Variants in ACSS3 observed in about 807,000 individuals in gnomAD.
ACSS3 encodes the protein acyl-CoA synthetase short-chain family member 3, mitochondrial.
ACSS3 carries 64 observed loss-of-function variants against 84.2 expected under a neutral mutation model. The observed-to-expected ratio is 0.76, with a 90% CI of 0.62 to 0.94. The LOEUF (loss-of-function observed/expected upper bound fraction) is 0.94. Ranked by LOEUF, ACSS3 falls within the 40% of genes least tolerant of loss-of-function variation. The pLI is 0.00. For missense variants in ACSS3, 815 were observed against 867.6 expected, an observed-to-expected ratio of 0.94 and a Z score of 0.76; for synonymous variants, 317 against 310.1, an observed-to-expected ratio of 1.02 and a Z score of -0.23.
At chr12:81,224,344 C>T (rs1009032873) in intron 11 of ACSS3, among the ~76,000 whole-genome samples, 4 of 151,766 alleles carry the variant, frequency 2.6e-5, no homozygotes, top group African/African-American at 9.7e-5. Flanking sequence ...CCCACTGTTC[C>T]AGAAGGAAGA....
Position 81,259,583 on chromosome 12 carries a change from A to C in ACSS3, c.*4661A>C, listed in dbSNP as rs759257542. On this transcript the variant is annotated 3_prime_UTR_variant, in exon 16 of 16. Coordinates refer to ENST00000548058, the MANE Select transcript of ACSS3 (RefSeq NM_024560.4). ...TGACGTCATTATTTCCTTAGAATTC[A>C]GTTTTCACAAAGGTTTTCACTGCTC... The C allele has an allele frequency of 6.7e-6, 10 of 1,492,218 alleles. No individual in the cohort carries two copies. The highest frequency in any genetic ancestry group is 9.0e-6 in the Non-Finnish European group (10 of 1,108,902). The allele number at this position is 1,492,218 out of a possible 1,614,324, so 92.4% of individuals were successfully genotyped here. A position where few individuals can be genotyped will look rare whatever the true frequency, so the allele number is the denominator to read the frequency against.
chr12:81,191,328 C>T (rs2031558935), intron 8 of ACSS3, among the ~76,000 whole-genome samples: 3 of 151,706 alleles, frequency 2.0e-5, no homozygotes, highest in Non-Finnish European at 2.9e-5. Flanking sequence ...ACCTGTTATC[C>T]CCCTCTTCCT....
intron 8 of ACSS3, among the ~76,000 whole-genome samples, chr12:81,191,364 A>C (rs1026690015): frequency 6.6e-6 from 1 of 151,996 alleles, no homozygotes; most frequent in African/African-American, 2.4e-5. Flanking sequence ...TTCCTTTAAA[A>C]TCTAGATTTT....
chr12:81,173,140 C>T (rs537231939), intron 7 of ACSS3, among the ~76,000 whole-genome samples: 30 of 152,112 alleles, frequency 2.0e-4, no homozygotes, highest in Admixed American at 1.7e-3. Flanking sequence ...TGAGACATAT[C>T]AAAAAAGTAA....
chr12:81,249,761 T>G (rs952856661), intron 13 of ACSS3, among the ~76,000 whole-genome samples: 1 of 152,050 alleles, frequency 6.6e-6, no homozygotes, highest in African/African-American at 2.4e-5. Flanking sequence ...AGAGGAAATT[T>G]TTAAAAATCT....
At chr12:81,205,497 T>G (rs1402649834) in intron 9 of ACSS3, among the ~76,000 whole-genome samples, 2 of 152,136 alleles carry the variant, frequency 1.3e-5, no homozygotes, top group Non-Finnish European at 2.9e-5. Flanking sequence ...ATAGAATAAT[T>G]ACTAAGAGTT....
At chr12:81,197,679 G>A (rs1437417258) in intron 8 of ACSS3, among the ~76,000 whole-genome samples, 1 of 152,124 alleles carries the variant, frequency 6.6e-6, no homozygotes, top group Non-Finnish European at 1.5e-5. Flanking sequence ...TCATCCTTCA[G>A]AACAGACACG....
intron 13 of ACSS3, among the ~76,000 whole-genome samples, chr12:81,251,806 G>T (rs774574301): frequency 6.6e-6 from 1 of 151,946 alleles, no homozygotes; most frequent in South Asian, 2.1e-4. Flanking sequence ...ACATGCCAGC[G>T]CACTCCAGCT....
intron 5 of ACSS3, among the ~76,000 whole-genome samples, chr12:81,145,067 ATTTTTT>A (rs35753293): frequency 1.6e-4 from 16 of 100,874 alleles, no homozygotes; most frequent in Admixed American, 1.4e-3. Flanking sequence ...CGCCTGGCTA[ATTTTTT>A]TTTTTTTTTT....
chr12:81,143,128 G>T lies in ACSS3; in HGVS notation c.802G>T (p.Gly268Cys). ...GTAGGAGGCGGTTCCTTTGGCTCCC[G>T]GTCGTGACCTTGATTGGGATGAAGA... Reference protein sequence around the residue: ...PNMEAVPLAPGRDLDWDEEMA... With the variant: ...PNMEAVPLAPCRDLDWDEEMA... The change falls in exon 5 of 16, where the codon GGT becomes TGT. Residue 268 changes from glycine to cysteine, a missense_variant. Transcript: ENST00000548058. The T allele has an allele frequency of 6.2e-7, 1 of 1,612,008 alleles. No homozygotes were observed. The highest frequency in any genetic ancestry group is 8.5e-7 in the Non-Finnish European group (1 of 1,178,590).
chr12:81,234,730 T>A (rs903678781), intron 13 of ACSS3, among the ~76,000 whole-genome samples: 1 of 151,378 alleles, frequency 6.6e-6, no homozygotes, highest in South Asian at 2.1e-4. Flanking sequence ...CTTCAGCCCA[T>A]TTTTTTAAAT....
chr12:81,221,919 G>A (rs1378641687), intron 11 of ACSS3, among the ~76,000 whole-genome samples: 1 of 152,022 alleles, frequency 6.6e-6, no homozygotes, highest in African/African-American at 2.4e-5. Context: ...GATCTCAGAG[G>A]TGGCATTTGA....
intron 1 of ACSS3, among the ~76,000 whole-genome samples, chr12:81,082,377 T>G (rs1881036390): frequency 6.6e-6 from 1 of 152,148 alleles, no homozygotes; most frequent in Admixed American, 6.5e-5. Context: ...TAATCCAGCC[T>G]TTATTGGGGG....
At chr12:81,191,858 G>A (rs1231120246) in intron 8 of ACSS3, among the ~76,000 whole-genome samples, 1 of 151,470 alleles carries the variant, frequency 6.6e-6, no homozygotes, top group East Asian at 1.9e-4. Context: ...CTTTCATTGA[G>A]TTTATAATTC....
At chr12:81,247,490 A>G (rs1342271835) in intron 13 of ACSS3, among the ~76,000 whole-genome samples, 1 of 152,136 alleles carries the variant, frequency 6.6e-6, no homozygotes, top group East Asian at 1.9e-4. Flanking sequence ...TGCTAGAATT[A>G]TTGGCATCTA....
At chr12:81,200,995 C>T (rs2135901106) in intron 9 of ACSS3, among the ~76,000 whole-genome samples, 1 of 151,948 alleles carries the variant, frequency 6.6e-6, no homozygotes, top group African/African-American at 2.4e-5. Context: ...GGACACTTTC[C>T]TTACATAAGA....
Position 81,259,755 on chromosome 12 carries a change from T to C in ACSS3, c.*4833T>C. On this transcript the variant is annotated 3_prime_UTR_variant, in exon 16 of 16. Transcript: ENST00000548058. ...TGTGGTGTACCTCCACGCAGCCTGC[T>C]TACTCCTGTCCTAGAAGATCATGAG... The C allele has an allele frequency of 9.5e-7, 1 of 1,048,132 alleles. No homozygotes were observed. Among genetic ancestry groups the C allele is most frequent in the Non-Finnish European group, 1.4e-6 (1 of 714,932 alleles). 64.9% of individuals were successfully genotyped at this position (1,048,132 alleles called of 1,614,324 possible).
At chr12:81,176,222 T>C (rs941224680) in intron 8 of ACSS3, among the ~76,000 whole-genome samples, 3 of 152,190 alleles carry the variant, frequency 2.0e-5, no homozygotes, top group Non-Finnish European at 2.9e-5. Context: ...AATACCTCTA[T>C]GCACACAAAG....
intron 7 of ACSS3, among the ~76,000 whole-genome samples, chr12:81,159,287 A>G (rs10778794): frequency 0.18 from 27,130 of 152,108 alleles, 2,741 homozygotes; most frequent in East Asian, 0.39. Flanking sequence ...CACTCAAATC[A>G]AGAATATAAG....
Sources: gnomAD v4.1 joint callset for allele counts (sites outside exome capture counted in the v4.1 genomes callset) on GRCh38, gnomAD v4.1.1 for gene constraint, MANE v1.5 for transcripts, NCBI Gene and HGNC (gene_info 2026-07-23, HGNC 2026-07-21) for gene names.